Variants in PRKCA observed in about 807,000 individuals in gnomAD.
The protein encoded by PRKCA is protein kinase C alpha type.
Under a neutral mutation model 87.0 loss-of-function variants are expected in PRKCA, and 27 were observed. The ratio of observed to expected loss-of-function variants is 0.31; its 90% confidence interval spans 0.23 to 0.43. PRKCA has a LOEUF of 0.43. PRKCA is among the 20% of genes least tolerant of loss of function. The pLI, the probability that PRKCA is intolerant of heterozygous loss-of-function variation, is 1.00. For missense variants in PRKCA, 518 were observed against 852.3 expected, an observed-to-expected ratio of 0.61 and a Z score of 4.88; for synonymous variants, 329 against 311.1, an observed-to-expected ratio of 1.06 and a Z score of -0.61.
At chr17:66,566,394 A>G (rs1968889109) in intron 3 of PRKCA, among the ~76,000 whole-genome samples, 1 of 151,670 alleles carries the variant, frequency 6.6e-6, no homozygotes, top group Admixed American at 6.6e-5. Flanking sequence ...AGCAGAGAAT[A>G]TACTTTTAGA....
chr17:66,518,263 G>A (rs1293957585), intron 3 of PRKCA, among the ~76,000 whole-genome samples: 2 of 152,326 alleles, frequency 1.3e-5, no homozygotes, highest in African/African-American at 2.4e-5. Flanking sequence ...GATGAGCACA[G>A]TAGAAAGGAA....
intron 16 of PRKCA, among the ~76,000 whole-genome samples, chr17:66,798,053 G>GT (rs1224643321): frequency 2.6e-5 from 4 of 152,214 alleles, no homozygotes; most frequent in African/African-American, 9.6e-5. Flanking sequence ...TCCAATGGAG[G>GT]TGGTGATCCA....
At chr17:66,685,208 T>C (rs902855349) in intron 5 of PRKCA, among the ~76,000 whole-genome samples, 58 of 152,190 alleles carry the variant, frequency 3.8e-4, no homozygotes, top group African/African-American at 1.4e-3. Flanking sequence ...AGGTATTTTA[T>C]AAACATTATT....
intron 3 of PRKCA, among the ~76,000 whole-genome samples, chr17:66,524,393 G>T (rs950744537): frequency 2.6e-5 from 4 of 152,172 alleles, no homozygotes. Context: ...ACAAGAAACT[G>T]TTACTGTTGT....
intron 16 of PRKCA, among the ~76,000 whole-genome samples, chr17:66,802,673 G>C (rs906873134): frequency 6.6e-6 from 1 of 152,178 alleles, no homozygotes; most frequent in Non-Finnish European, 1.5e-5. Context: ...TGGGTTCTGT[G>C]CAAAACCCCA....
intron 3 of PRKCA, among the ~76,000 whole-genome samples, chr17:66,596,394 G>C (rs1969977669): frequency 6.6e-6 from 1 of 151,832 alleles, no homozygotes; most frequent in Non-Finnish European, 1.5e-5. Flanking sequence ...TTCACCGCTG[G>C]GCTGTTCAGA....
intron 8 of PRKCA, among the ~76,000 whole-genome samples, chr17:66,716,879 C>T (rs1274021097): frequency 6.6e-6 from 1 of 152,210 alleles, no homozygotes; most frequent in Non-Finnish European, 1.5e-5. Flanking sequence ...ACCGTGGCAA[C>T]AGCCAAAGTG....
intron 2 of PRKCA, among the ~76,000 whole-genome samples, chr17:66,483,526 C>T (rs1254361304): frequency 6.6e-6 from 1 of 151,366 alleles, no homozygotes; most frequent in African/African-American, 2.4e-5. Flanking sequence ...TGTGGTGGTG[C>T]AGTCTCAGCT....
At chr17:66,643,922 C>G (rs988874347) in intron 4 of PRKCA, among the ~76,000 whole-genome samples, 3 of 152,218 alleles carry the variant, frequency 2.0e-5, no homozygotes, top group African/African-American at 7.2e-5. Context: ...TAGAGCAAAT[C>G]AGCTTCCCAA....
At chr17:66,408,828 CGGATCACAAGGCTA>C (rs1191231650) in intron 2 of PRKCA, among the ~76,000 whole-genome samples, 3 of 151,428 alleles carry the variant, frequency 2.0e-5, no homozygotes, top group African/African-American at 7.3e-5. Flanking sequence ...CCGAGGTGGG[CGGATCACAAGGCTA>C]GGAGTTCAAG....
At position 66,566,359 on chromosome 17, in the gene PRKCA, A is replaced by G. The variant is rs144779523; in HGVS notation, c.288+70076A>G. 4.7e-3 allele frequency among the ~76,000 whole-genome samples: 715 copies of G among 151,812 alleles called. 5 individuals carry two copies. The highest frequency in any genetic ancestry group is 0.016 in the African/African-American group (649 of 41,398). Reference sequence around the variant, plus strand: ...GATGGATGCCATTAGCTTTAGAAATATTTTTTATGTTTTAGGGAGAAAGAA... The same window carrying G: ...GATGGATGCCATTAGCTTTAGAAATGTTTTTTATGTTTTAGGGAGAAAGAA... On this transcript the variant is annotated intron_variant, in intron 3 of 16. Coordinates refer to ENST00000413366, the MANE Select transcript of PRKCA (RefSeq NM_002737.3).
chr17:66,492,306 G>A (rs1916281653), intron 2 of PRKCA, among the ~76,000 whole-genome samples: 1 of 152,200 alleles, frequency 6.6e-6, no homozygotes, highest in South Asian at 2.1e-4. Flanking sequence ...TGGATAATGA[G>A]GGCCCGGGTC....
At chr17:66,327,931 A>G (rs1314808775) in intron 2 of PRKCA, among the ~76,000 whole-genome samples, 1 of 152,184 alleles carries the variant, frequency 6.6e-6, no homozygotes, top group Non-Finnish European at 1.5e-5. Context: ...GGACCCAGCC[A>G]CTAATCTGAA....
At chr17:66,791,878 G>A (rs1975546979) in intron 16 of PRKCA, among the ~76,000 whole-genome samples, 1 of 152,248 alleles carries the variant, frequency 6.6e-6, no homozygotes, top group South Asian at 2.1e-4. Context: ...CTTCCTTGGT[G>A]AAAAATGTAC....
chr17:66,780,980 G>T (rs1169331781), intron 14 of PRKCA, among the ~76,000 whole-genome samples: 4 of 150,824 alleles, frequency 2.7e-5, no homozygotes. Context: ...GTGGTGACGT[G>T]CACCTGTAAT....
chr17:66,591,865 C>T (rs1598799873), intron 3 of PRKCA, among the ~76,000 whole-genome samples: 1 of 151,876 alleles, frequency 6.6e-6, no homozygotes, highest in East Asian at 1.9e-4. Context: ...GTTGAGAGAG[C>T]AGTCATCCCT....
chr17:66,702,046 C>G (rs1028469324), intron 8 of PRKCA, among the ~76,000 whole-genome samples: 4 of 151,936 alleles, frequency 2.6e-5, no homozygotes, highest in African/African-American at 4.8e-5. Flanking sequence ...TCACAATAGC[C>G]AAGATATGGA....
chr17:66,737,196 CA>C (rs59025976), intron 10 of PRKCA, among the ~76,000 whole-genome samples: 46,106 of 125,216 alleles, frequency 0.37, 8,199 homozygotes, highest in African/African-American at 0.52. Flanking sequence ...ACTAAATATA[CA>C]AAAAAAAAAA....
chr17:66,520,811 C>G (rs999876492), intron 3 of PRKCA, among the ~76,000 whole-genome samples: 2 of 152,044 alleles, frequency 1.3e-5, no homozygotes, highest in African/African-American at 4.8e-5. Flanking sequence ...AGATTTCTTC[C>G]TAAACTTATC....
Sources: allele counts gnomAD v4.1 joint callset (sites outside exome capture counted in the v4.1 genomes callset), GRCh38; gene constraint gnomAD v4.1.1; transcripts MANE v1.5; gene names NCBI Gene and HGNC (gene_info 2026-07-23, HGNC 2026-07-21).